ZCCHC4: variants seen among roughly 807,000 people sequenced by gnomAD.
The protein encoded by ZCCHC4 is rRNA N(6)-adenosine-methyltransferase ZCCHC4.
In ZCCHC4, 54 loss-of-function variants were observed where a neutral mutation model predicts 67.7. The observed-to-expected ratio is 0.80, with a 90% CI of 0.64 to 1.00. The LOEUF (loss-of-function observed/expected upper bound fraction) is 1.00, where lower values mean the gene tolerates loss of function less well. ZCCHC4 is among the 50% of genes least tolerant of loss of function. ZCCHC4 has a pLI of 0.00. For missense variants in ZCCHC4, 609 were observed against 617.0 expected, an observed-to-expected ratio of 0.99 and a Z score of 0.14; for synonymous variants, 198 against 213.5, an observed-to-expected ratio of 0.93 and a Z score of 0.63.
At chr4:25,313,724 C>T (rs1055607741) in intron 1 of ZCCHC4, among the ~76,000 whole-genome samples, 1 of 151,906 alleles carries the variant, frequency 6.6e-6, no homozygotes, top group African/African-American at 2.4e-5. Context: ...AAAAGAAAAA[C>T]AGCTGGGGAC....
At chr4:25,331,091 C>T (rs1297224386) in intron 3 of ZCCHC4, among the ~76,000 whole-genome samples, 1 of 152,158 alleles carries the variant, frequency 6.6e-6, no homozygotes, top group Non-Finnish European at 1.5e-5. Flanking sequence ...TTTCGGTTCT[C>T]CATCCCTGTG....
At chr4:25,344,993 G>A (rs956618013) in intron 5 of ZCCHC4, among the ~76,000 whole-genome samples, 3 of 151,884 alleles carry the variant, frequency 2.0e-5, no homozygotes, top group Non-Finnish European at 2.9e-5. Context: ...TGTAGAGGCA[G>A]GATTTTGCCA....
intron 3 of ZCCHC4, among the ~76,000 whole-genome samples, chr4:25,320,581 A>G (rs754127673): frequency 1.3e-5 from 2 of 152,352 alleles, no homozygotes; most frequent in Non-Finnish European, 2.9e-5. Context: ...GTAAATACGA[A>G]TAAGGGGGGA....
rs1028286334 is a variant in ZCCHC4, at chr4:25,337,202, C to G, written c.686+3214C>G. 2.0e-5 allele frequency among the ~76,000 whole-genome samples: 3 copies of G among 152,122 alleles called. No individual in the cohort carries two copies. In the East Asian group the frequency reaches 5.8e-4, roughly 29 times the overall value. ...ACTCAGGATTTTTTTCTTTGGAGAC[C>G]TGGAAATCCAATCACGTAAAAGAGA... On this transcript the variant is annotated intron_variant, in intron 5 of 12. Coordinates refer to ENST00000302874, the MANE Select transcript of ZCCHC4 (RefSeq NM_024936.3).
At chr4:25,322,433 C>T (rs530084213) in intron 3 of ZCCHC4, among the ~76,000 whole-genome samples, 1 of 152,274 alleles carries the variant, frequency 6.6e-6, no homozygotes, top group Non-Finnish European at 1.5e-5. Flanking sequence ...CAGAATCATA[C>T]AATAGCCACA....
intron 5 of ZCCHC4, among the ~76,000 whole-genome samples, chr4:25,344,575 C>T (rs1719908715): frequency 6.6e-6 from 1 of 151,126 alleles, no homozygotes; most frequent in Non-Finnish European, 1.5e-5. Flanking sequence ...AACTAACCTG[C>T]ACATTGTGCA....
intron 5 of ZCCHC4, among the ~76,000 whole-genome samples, chr4:25,344,041 G>A (rs1052626592): frequency 2.0e-5 from 3 of 152,074 alleles, no homozygotes; most frequent in African/African-American, 4.8e-5. Context: ...AATCAGCAAC[G>A]CAGACATTAA....
intron 8 of ZCCHC4, among the ~76,000 whole-genome samples, chr4:25,353,385 GC>G (rs1318690298): frequency 6.6e-6 from 1 of 152,186 alleles, no homozygotes; most frequent in Non-Finnish European, 1.5e-5. Context: ...TCTGCTTTGA[GC>G]AAAATTTATA....
At chr4:25,320,443 C>A (rs1453112919) in intron 3 of ZCCHC4, among the ~76,000 whole-genome samples, 3 of 151,982 alleles carry the variant, frequency 2.0e-5, no homozygotes, top group African/African-American at 7.3e-5. Flanking sequence ...TTTGTGTACT[C>A]CAGGAAAGGC....
chr4:25,345,841 A>C (rs1719981556), intron 6 of ZCCHC4, among the ~76,000 whole-genome samples: 1 of 152,178 alleles, frequency 6.6e-6, no homozygotes, highest in Non-Finnish European at 1.5e-5. Flanking sequence ...GAAGGCCCAC[A>C]TTCTTAGAAG....
intron 3 of ZCCHC4, among the ~76,000 whole-genome samples, chr4:25,330,284 C>A (rs114239716): frequency 6.6e-6 from 1 of 152,050 alleles, no homozygotes; most frequent in Non-Finnish European, 1.5e-5. Context: ...AGCTACCATG[C>A]CTTGCTGATT....
At chr4:25,356,074 A>T (rs1329388779) in intron 8 of ZCCHC4, among the ~76,000 whole-genome samples, 1 of 152,244 alleles carries the variant, frequency 6.6e-6, no homozygotes, top group African/African-American at 2.4e-5. Flanking sequence ...TTTCAGTCTC[A>T]TGTTACAGAA....
intron 3 of ZCCHC4, among the ~76,000 whole-genome samples, chr4:25,328,228 G>A (rs1315447163): frequency 6.6e-6 from 1 of 151,920 alleles, no homozygotes; most frequent in Admixed American, 6.6e-5. Context: ...ATCTCTGTTC[G>A]TCTGTACAGA....
chr4:25,364,326 A>C, intron 10 of ZCCHC4, 128 bp from the exon 11 acceptor site: 1 of 664,142 alleles, frequency 1.5e-6, no homozygotes, highest in Non-Finnish European at 2.2e-6. Flanking sequence ...TGTGAAGCCC[A>C]GAAAAGGCAG....
rs539760012 is a variant in ZCCHC4, at chr4:25,346,082, C to G, written c.759+462C>G. On this transcript the variant is annotated intron_variant, in intron 6 of 12. Transcript: ENST00000302874. ...TTCCAAATCACTTCTTCCAGCCTCC[C>G]CCGACCCCTACTCCCCAAAGGGTCA... Among the ~76,000 whole-genome samples the G allele has an allele frequency of 2.6e-5, 4 of 152,252 alleles. No homozygotes were observed. In the East Asian group the frequency reaches 7.7e-4, roughly 29 times the overall value.
intron 8 of ZCCHC4, among the ~76,000 whole-genome samples, chr4:25,352,928 C>G (rs138851382): frequency 6.6e-6 from 1 of 152,224 alleles, no homozygotes; most frequent in Non-Finnish European, 1.5e-5. Flanking sequence ...GTAAAAGACT[C>G]TACTTGTGAT....
At chr4:25,332,036 G>C (rs1466065056) in intron 3 of ZCCHC4, among the ~76,000 whole-genome samples, 1 of 152,192 alleles carries the variant, frequency 6.6e-6, no homozygotes. Flanking sequence ...GGCCACATGT[G>C]ATGGCTCATG....
chr4:25,351,747 G>T, intron 8 of ZCCHC4, 58 bp downstream of exon 8: 2 of 1,372,798 alleles, frequency 1.5e-6, no homozygotes, highest in Non-Finnish European at 2.0e-6. Context: ...TACTTGAATA[G>T]ATATAAGACT....
chr4:25,356,556 C>A (rs986269131), intron 8 of ZCCHC4, among the ~76,000 whole-genome samples: 2 of 150,490 alleles, frequency 1.3e-5, no homozygotes, highest in Admixed American at 1.3e-4. Context: ...AGAAATTGTT[C>A]TTTTTTTTTC....
Sources: allele counts gnomAD v4.1 joint callset (sites outside exome capture counted in the v4.1 genomes callset), GRCh38; gene constraint gnomAD v4.1.1; transcripts MANE v1.5; gene names NCBI Gene and HGNC (gene_info 2026-07-23, HGNC 2026-07-21).